FGF12: variants seen among roughly 807,000 people sequenced by gnomAD.
FGF12 encodes the protein fibroblast growth factor 12, also known as fibroblast growth factor 12B.
In FGF12, 14 loss-of-function variants were observed where a neutral mutation model predicts 23.6. That is an observed-to-expected ratio of 0.59 (90% confidence interval 0.39 to 0.93). The LOEUF is 0.93. Among genes scored for constraint, FGF12 ranks in the 40% least tolerant of loss-of-function variants. The probability of loss-of-function intolerance (pLI) is 0.00; values close to 1 mark genes in which losing one functional copy is unlikely to be tolerated. For synonymous variants in FGF12, 62 were observed against 77.3 expected, an observed-to-expected ratio of 0.80 and a Z score of 1.04; for missense variants, 175 against 217.8, an observed-to-expected ratio of 0.80 and a Z score of 1.24.
intron 4 of FGF12, among the ~76,000 whole-genome samples, chr3:192,288,387 A>G (rs567055646): frequency 6.6e-6 from 1 of 152,226 alleles, no homozygotes; most frequent in South Asian, 2.1e-4. Flanking sequence ...AAGACAAAAC[A>G]TAGTATCTAT....
intron 2 of FGF12, chr3:192,515,619 C>CT (rs1724644746): frequency 6.6e-6 from 1 of 152,378 alleles, no homozygotes; most frequent in Non-Finnish European, 1.5e-5. Context: ...TTTCAGGCTC[C>CT]TAGAAAAGCT....
At chr3:192,406,884 C>T (rs998328658) in intron 2 of FGF12, among the ~76,000 whole-genome samples, 3 of 152,200 alleles carry the variant, frequency 2.0e-5, no homozygotes, top group Non-Finnish European at 4.4e-5. Context: ...CAGCACGCCA[C>T]AGTCAGAGTT....
intron 2 of FGF12, among the ~76,000 whole-genome samples, chr3:192,554,422 G>A (rs933383795): frequency 6.6e-6 from 1 of 152,174 alleles, no homozygotes; most frequent in Non-Finnish European, 1.5e-5. Context: ...AGACACATTA[G>A]AGGGAGAAAG....
chr3:192,168,816 G>C lies in FGF12; in HGVS notation c.427+1642C>G, dbSNP rs77005420. On this transcript the variant is annotated intron_variant, in intron 5 of 5. Transcript: ENST00000445105. Reference sequence around the variant, plus strand: ...AGTGAGCTAACCATGAATAAGAGGAGACAGAGTGGCATTGGGCAAATTTAA... The same window carrying C: ...AGTGAGCTAACCATGAATAAGAGGACACAGAGTGGCATTGGGCAAATTTAA... Among the ~76,000 whole-genome samples, 153 of 152,310 alleles carry C rather than the reference G, an allele frequency of 1.0e-3. 3 individuals carry two copies. The East Asian group carries it at 0.026, about 26-fold the overall frequency.
intron 2 of FGF12, among the ~76,000 whole-genome samples, chr3:192,509,629 G>A (rs1281134315): frequency 6.6e-6 from 1 of 152,130 alleles, no homozygotes; most frequent in African/African-American, 2.4e-5. Context: ...ACATCAGTGG[G>A]GATTAATTAC....
chr3:192,452,313 A>G (rs1419091211), intron 2 of FGF12, among the ~76,000 whole-genome samples: 1 of 152,148 alleles, frequency 6.6e-6, no homozygotes, highest in Non-Finnish European at 1.5e-5. Context: ...TAGATTGGTG[A>G]GTTTTTAATG....
chr3:192,675,047 T>C (rs376435830), intron 2 of FGF12, among the ~76,000 whole-genome samples: 1 of 152,210 alleles, frequency 6.6e-6, no homozygotes, highest in African/African-American at 2.4e-5. Context: ...TCAGTACTTG[T>C]CTTTAGGTGC....
chr3:192,509,744 C>T (rs1385210340), intron 2 of FGF12, among the ~76,000 whole-genome samples: 1 of 152,146 alleles, frequency 6.6e-6, no homozygotes, highest in African/African-American at 2.4e-5. Flanking sequence ...ATTTGGTATG[C>T]TAAGCTAATT....
chr3:192,587,397 A>G (rs1275393620), intron 2 of FGF12, among the ~76,000 whole-genome samples: 1 of 151,948 alleles, frequency 6.6e-6, no homozygotes. Context: ...TGGTGGTAGT[A>G]GGAGGGTCTT....
At chr3:192,249,307 T>C (rs528366742) in intron 4 of FGF12, among the ~76,000 whole-genome samples, 1 of 152,316 alleles carries the variant, frequency 6.6e-6, no homozygotes, top group East Asian at 1.9e-4. Context: ...TGATTATACT[T>C]ACATATACAA....
At chr3:192,278,157 T>C (rs1713918935) in intron 4 of FGF12, among the ~76,000 whole-genome samples, 1 of 152,248 alleles carries the variant, frequency 6.6e-6, no homozygotes, top group Non-Finnish European at 1.5e-5. Flanking sequence ...TATTGATGAA[T>C]AGACATTATG....
chr3:192,451,366 T>C (rs1180717159), intron 2 of FGF12, among the ~76,000 whole-genome samples: 2 of 152,142 alleles, frequency 1.3e-5, no homozygotes, highest in Non-Finnish European at 2.9e-5. Flanking sequence ...GGGAGAACTG[T>C]GAGAATTACC....
chr3:192,646,004 G>A (rs1715992937), intron 2 of FGF12, among the ~76,000 whole-genome samples: 2 of 151,996 alleles, frequency 1.3e-5, no homozygotes, highest in African/African-American at 2.4e-5. Context: ...AAACTGAAAC[G>A]AAAGCCTGAT....
At chr3:192,652,915 T>C (rs554792643) in intron 2 of FGF12, among the ~76,000 whole-genome samples, 1 of 152,244 alleles carries the variant, frequency 6.6e-6, no homozygotes, top group Non-Finnish European at 1.5e-5. Context: ...GAATTTATGC[T>C]GAGGTGGTGA....
In FGF12 at chr3:192,515,987, T is replaced by G. The variant is rs182657163; in HGVS notation, c.14-155449A>C. Among the ~76,000 whole-genome samples the G allele has an allele frequency of 3.9e-5, 6 of 152,234 alleles. No homozygotes were observed. In the East Asian group the frequency reaches 1.2e-3, roughly 29 times the overall value. ...GGGGACACTTAGCAATACAAGTGAT[T>G]AAGAGCACAGACACTAGAGACAAGC... On this transcript the variant is annotated intron_variant, in intron 2 of 5. Transcript: ENST00000445105.
intron 5 of FGF12, among the ~76,000 whole-genome samples, chr3:192,146,272 A>ATATATT (rs746233904): frequency 4.9e-5 from 7 of 143,254 alleles, no homozygotes; most frequent in Non-Finnish European, 7.6e-5. Context: ...TAAAGTGTAT[A>ATATATT]TTTTTTTTTT....
intron 2 of FGF12, among the ~76,000 whole-genome samples, chr3:192,576,174 GA>G (rs1186774238): frequency 1.3e-5 from 2 of 152,090 alleles, no homozygotes; most frequent in East Asian, 3.9e-4. Context: ...TACAAACGAA[GA>G]AAAATAATGA....
intron 2 of FGF12, among the ~76,000 whole-genome samples, chr3:192,401,734 C>A (rs564699927): frequency 2.6e-5 from 4 of 152,284 alleles, no homozygotes; most frequent in Middle Eastern, 3.4e-3. Flanking sequence ...CAAGGCCCTG[C>A]GGTTCTTGCC....
intron 2 of FGF12, among the ~76,000 whole-genome samples, chr3:192,633,858 C>T (rs1323345393): frequency 6.6e-6 from 1 of 152,098 alleles, no homozygotes; most frequent in Admixed American, 6.5e-5. Context: ...ATCTCAACAA[C>T]CCTTCATGCG....
Sources: gnomAD v4.1 joint callset for allele counts (sites outside exome capture counted in the v4.1 genomes callset) on GRCh38, gnomAD v4.1.1 for gene constraint, MANE v1.5 for transcripts, NCBI Gene and HGNC (gene_info 2026-07-23, HGNC 2026-07-21) for gene names.